Variants in PIP5K1C observed in about 807,000 individuals in gnomAD.
PIP5K1C encodes the protein phosphatidylinositol-4-phosphate 5-kinase type 1 gamma.
In PIP5K1C, 45 loss-of-function variants were observed where a neutral mutation model predicts 80.1. The ratio of observed to expected loss-of-function variants is 0.56; its 90% CI spans 0.44 to 0.72. The LOEUF is 0.72. Among genes scored for constraint, PIP5K1C ranks in the 30% least tolerant of loss-of-function variants. The pLI is 0.00. For missense variants in PIP5K1C, 753 were observed against 954.6 expected (o/e 0.79, Z 2.78); for synonymous variants, 498 against 420.1 (o/e 1.19, Z -2.27).
intron 1 of PIP5K1C, among the ~76,000 whole-genome samples, chr19:3,681,301 G>T (rs553770152): frequency 3.3e-5 from 5 of 151,532 alleles, no homozygotes; most frequent in Admixed American, 6.6e-5. Flanking sequence ...CATGATTTTG[G>T]CTCACTGCAA....
intron 6 of PIP5K1C, among the ~76,000 whole-genome samples, chr19:3,653,946 C>T (rs998892790): frequency 8.8e-4 from 134 of 152,324 alleles, no homozygotes; most frequent in African/African-American, 3.2e-3. Flanking sequence ...AATGCTGTAT[C>T]CTAAAATACA....
rs370734645 is a variant in PIP5K1C at position 3,641,739 on chromosome 19, C to T, written c.1753G>A (p.Val585Met). Reference sequence around the variant, plus strand: ...TCCTCTTTGGGGACCACAATCTCCACGCTGCACGCAGGCTCCACCTGCACT... The same window carrying T: ...TCCTCTTTGGGGACCACAATCTCCATGCTGCACGCAGGCTCCACCTGCACT... The part of the protein sequence containing the change: ...ITVQVEPACS[V>M]EIVVPKEEDA... The change falls in exon 15 of 18, where the codon GTG becomes ATG. Residue 585 changes from valine to methionine, a missense_variant. Coordinates refer to ENST00000335312, the MANE Select transcript of PIP5K1C (RefSeq NM_012398.3). 1.1e-4 allele frequency: 182 copies of T among 1,610,780 alleles called. 1 individual carries two copies. The highest frequency in any genetic ancestry group is 1.4e-4 in the Non-Finnish European group (167 of 1,180,022).
At chr19:3,699,463 G>T (rs766079766) in intron 1 of PIP5K1C, among the ~76,000 whole-genome samples, 1 of 152,182 alleles carries the variant, frequency 6.6e-6, no homozygotes, top group East Asian at 1.9e-4. Flanking sequence ...GGGAGGCCTG[G>T]GGGGAGAAGG....
chr19:3,690,159 G>A (rs796581219), intron 1 of PIP5K1C, among the ~76,000 whole-genome samples: 12 of 151,846 alleles, frequency 7.9e-5, no homozygotes, highest in African/African-American at 2.9e-4. Context: ...ACGAGACATG[G>A]CTGTAGCATG....
chr19:3,687,536 CACAT>C (rs1349494965), intron 1 of PIP5K1C, among the ~76,000 whole-genome samples: 2 of 128,978 alleles, frequency 1.6e-5, no homozygotes, highest in African/African-American at 3.1e-5. Flanking sequence ...CACACGCACA[CACAT>C]ACATGCACAC....
chr19:3,684,385 T>A (rs1323429640), intron 1 of PIP5K1C, among the ~76,000 whole-genome samples: 1 of 152,176 alleles, frequency 6.6e-6, no homozygotes, highest in Admixed American at 6.5e-5. Context: ...CCGAATTCCT[T>A]CCCCTTGAAA....
chr19:3,643,328 C>T lies in PIP5K1C; in HGVS notation c.1564G>A (p.Ala522Thr). 6.2e-7 allele frequency: 1 copy of T among 1,613,962 alleles called. No homozygotes were observed. The highest frequency in any genetic ancestry group is 1.3e-5 in the African/African-American group (1 of 75,038). Residue 522 changes from alanine to threonine, a missense_variant, in exon 13 of 18, where the codon GCC becomes ACC. Ala to Thr is a moderately conservative substitution (Grantham distance 58, BLOSUM62 0). Around this residue, in one of 6 missense-constraint regions of PIP5K1C, gnomAD observed 315 missense variants for 294.5 expected, o/e 1.07. Transcript: ENST00000335312. ...TPPSFEEATT[A>T]SIATTLSSTS... ...GATGACAGAGTCGTGGCAATGGAGGCTGTAGTGGCTTCTTCGAAAGAAGGT... is the reference window on the plus strand; with the variant it reads ...GATGACAGAGTCGTGGCAATGGAGGTTGTAGTGGCTTCTTCGAAAGAAGGT...
rs369544816 is a variant in PIP5K1C at position 3,665,912 on chromosome 19, C to G, written c.127-998G>C. 1.4e-3 allele frequency among the ~76,000 whole-genome samples: 209 copies of G among 152,284 alleles called. 2 individuals carry two copies. The highest frequency in any genetic ancestry group is 4.6e-3 in the East Asian group (24 of 5,176). On this transcript the variant is annotated intron_variant, in intron 2 of 17. Coordinates refer to ENST00000335312, the MANE Select transcript of PIP5K1C (RefSeq NM_012398.3). ...CATGGACCCTCCACTGGCCAGACCCCATCCCACCGCTATCAGCCCCAGGGA... is the reference window on the plus strand; with the variant it reads ...CATGGACCCTCCACTGGCCAGACCCGATCCCACCGCTATCAGCCCCAGGGA...
intron 5 of PIP5K1C, among the ~76,000 whole-genome samples, chr19:3,658,609 C>T (rs1214823564): frequency 1.3e-5 from 2 of 152,214 alleles, no homozygotes; most frequent in East Asian, 1.9e-4. Context: ...AGCCCTGGGC[C>T]GCTGTCCTCA....
intron 1 of PIP5K1C, among the ~76,000 whole-genome samples, chr19:3,677,763 G>GA (rs2035410504): frequency 9.0e-6 from 1 of 111,460 alleles, no homozygotes; most frequent in Non-Finnish European, 1.9e-5. Flanking sequence ...AGGGATGGAG[G>GA]ATGGAGGATG....
intron 1 of PIP5K1C, among the ~76,000 whole-genome samples, chr19:3,687,987 C>A (rs1271718910): frequency 6.6e-6 from 1 of 152,322 alleles, no homozygotes; most frequent in Middle Eastern, 3.4e-3. Flanking sequence ...AGCTCCCGGG[C>A]GGGCCGGGGC....
chr19:3,688,487 G>A lies in PIP5K1C; in HGVS notation c.94+11810C>T, dbSNP rs530693569. 6.6e-6 allele frequency among the ~76,000 whole-genome samples: 1 copy of A among 152,278 alleles called. No individual in the cohort carries two copies. Among genetic ancestry groups the A allele is most frequent in the African/African-American group, 2.4e-5 (1 of 41,566 alleles). On this transcript the variant is annotated intron_variant, in intron 1 of 17. Coordinates refer to ENST00000335312, the MANE Select transcript of PIP5K1C (RefSeq NM_012398.3). This position sits in a 1 kb window ranked among gnomAD's most constrained non-coding sequence, Gnocchi z 5.3. ...GGACTCTGGGGCACACACGTCCCCA[G>A]GCAGCTCCGGTGAGGCCACCCTCGC...
At chr19:3,661,173 C>T in intron 4 of PIP5K1C, 90 bp from the exon 5 acceptor site, 2 of 856,496 alleles carry the variant, frequency 2.3e-6, no homozygotes, top group East Asian at 5.0e-5. Flanking sequence ...CCTCTAGCAG[C>T]TGAGCCTCTA....
chr19:3,656,318 G>T (rs2034631092), intron 6 of PIP5K1C, 87 bp downstream of exon 6: 1 of 1,498,824 alleles, frequency 6.7e-7, no homozygotes, highest in Non-Finnish European at 9.2e-7. Flanking sequence ...ATGCCTGCTT[G>T]CCCAAGCCTT....
intron 16 of PIP5K1C, among the ~76,000 whole-genome samples, chr19:3,634,755 C>G (rs915135239): frequency 5.9e-5 from 9 of 152,232 alleles, no homozygotes; most frequent in Admixed American, 2.0e-4. Flanking sequence ...GCTCTGCCTC[C>G]ATGCTCCCTC....
intron 8 of PIP5K1C, among the ~76,000 whole-genome samples, chr19:3,650,656 G>T (rs1055857125): frequency 1.3e-5 from 2 of 152,240 alleles, no homozygotes; most frequent in African/African-American, 4.8e-5. Context: ...TGAGGGCAGG[G>T]CCTGCCTGGT....
At chr19:3,684,164 C>T (rs904950482) in intron 1 of PIP5K1C, among the ~76,000 whole-genome samples, 5 of 152,130 alleles carry the variant, frequency 3.3e-5, no homozygotes, top group African/African-American at 7.2e-5. Flanking sequence ...AAAGACGGAA[C>T]GATAAGAAGA....
At chr19:3,686,695 G>A (rs932530666) in intron 1 of PIP5K1C, among the ~76,000 whole-genome samples, 3 of 151,608 alleles carry the variant, frequency 2.0e-5, no homozygotes, top group African/African-American at 4.9e-5. Flanking sequence ...TCCAGCCTGG[G>A]CAACAGGAGC....
chr19:3,680,152 C>T (rs568852507), intron 1 of PIP5K1C, among the ~76,000 whole-genome samples: 12 of 152,328 alleles, frequency 7.9e-5, no homozygotes, highest in African/African-American at 2.4e-4. Context: ...AGACTCCCAG[C>T]GTGGTGAATG....
Sources: allele counts gnomAD v4.1 joint callset (sites outside exome capture counted in the v4.1 genomes callset), GRCh38; gene constraint gnomAD v4.1.1; regional missense constraint gnomAD v4.1.1; non-coding constraint Gnocchi (gnomAD v3.1); transcripts MANE v1.5; gene names NCBI Gene and HGNC (gene_info 2026-07-23, HGNC 2026-07-21).